Variants in GLRA3 observed in about 807,000 individuals in gnomAD.
The protein encoded by GLRA3 is glycine receptor subunit alpha-3.
A neutral mutation model predicts 60.4 loss-of-function variants in GLRA3; 44 were observed. The ratio of observed to expected loss-of-function variants is 0.73; its 90% CI spans 0.57 to 0.94. The LOEUF (loss-of-function observed/expected upper bound fraction) is 0.94, where lower values mean the gene tolerates loss of function less well. Among genes scored for constraint, GLRA3 ranks in the 40% least tolerant of loss-of-function variants. GLRA3 has a pLI of 0.00. For synonymous variants in GLRA3, 223 were observed against 192.9 expected (o/e 1.16, Z -1.29); for missense variants, 508 against 564.6 (o/e 0.90, Z 1.02).
intron 3 of GLRA3, among the ~76,000 whole-genome samples, chr4:174,749,875 T>G (rs1466253077): frequency 6.6e-6 from 1 of 152,024 alleles, no homozygotes; most frequent in Admixed American, 6.6e-5. Flanking sequence ...CATATATGAG[T>G]GTTAGCTCCT....
At chr4:174,656,840 C>A in intron 8 of GLRA3, 53 bp from the exon 9 acceptor site, 4 of 970,732 alleles carry the variant, frequency 4.1e-6, no homozygotes, top group South Asian at 1.3e-5. Flanking sequence ...AGAATCAATT[C>A]ATATATGATT....
intron 1 of GLRA3, among the ~76,000 whole-genome samples, chr4:174,823,235 C>T (rs894105673): frequency 1.2e-5 from 1 of 85,214 alleles, no homozygotes; most frequent in Non-Finnish European, 2.8e-5. Context: ...AAACAAAAAA[C>T]TAAAACTCAA....
intron 7 of GLRA3, among the ~76,000 whole-genome samples, chr4:174,659,487 T>C (rs1172666435): frequency 6.6e-6 from 1 of 152,206 alleles, no homozygotes; most frequent in Non-Finnish European, 1.5e-5. Flanking sequence ...TTGAAAAGTA[T>C]GAACATTGAA....
At chr4:174,782,987 C>A (rs1312597746) in intron 2 of GLRA3, among the ~76,000 whole-genome samples, 2 of 152,050 alleles carry the variant, frequency 1.3e-5, no homozygotes, top group Non-Finnish European at 2.9e-5. Flanking sequence ...TCACATGGAA[C>A]CAAAAAAGAG....
Position 174,639,085 on chromosome 4 carries a change from T to C in GLRA3, c.*4701A>G, listed in dbSNP as rs1357331832. ...ACTAGCTGTCTTTTGAAAAAGGTTT[T>C]TGACAGTTATTTAGCTGTTCTTCAA... On this transcript the variant is annotated 3_prime_UTR_variant, in exon 10 of 10. Coordinates refer to ENST00000274093, the MANE Select transcript of GLRA3 (RefSeq NM_006529.4). 2 of 152,212 alleles carry C rather than the reference T, an allele frequency of 1.3e-5. No homozygotes were observed. The highest frequency in any genetic ancestry group is 2.4e-5 in the African/African-American group (1 of 41,462). The allele number at this position is 152,212 out of a possible 1,614,324, so 9.4% of individuals were successfully genotyped here. A position where few individuals can be genotyped will look rare whatever the true frequency, so the allele number is the denominator to read the frequency against.
chr4:174,714,841 C>T (rs530736043), intron 5 of GLRA3, among the ~76,000 whole-genome samples: 3 of 152,204 alleles, frequency 2.0e-5, no homozygotes, highest in East Asian at 3.9e-4. Flanking sequence ...TCTGTGTTAA[C>T]GTTGATCAGT....
At chr4:174,687,862 C>T (rs901826658) in intron 5 of GLRA3, among the ~76,000 whole-genome samples, 2 of 152,012 alleles carry the variant, frequency 1.3e-5, no homozygotes, top group Non-Finnish European at 2.9e-5. Context: ...ACATGAAAGA[C>T]CCATTCAAAG....
At chr4:174,828,613 G>A (rs1005762946) in intron 1 of GLRA3, 128 bp downstream of exon 1, 27 of 654,358 alleles carry the variant, frequency 4.1e-5, no homozygotes, top group Middle Eastern at 5.0e-4. Context: ...AAAACAATAC[G>A]ATTAAATTGA....
At chr4:174,679,527 A>G (rs988833720) in intron 6 of GLRA3, among the ~76,000 whole-genome samples, 2 of 152,174 alleles carry the variant, frequency 1.3e-5, no homozygotes, top group African/African-American at 4.8e-5. Flanking sequence ...AAGGTACCAT[A>G]TGGACTACGG....
intron 5 of GLRA3, among the ~76,000 whole-genome samples, chr4:174,705,259 G>A (rs747740381): frequency 1.4e-5 from 2 of 142,904 alleles, no homozygotes; most frequent in African/African-American, 2.5e-5. Context: ...TTTTTGTGCC[G>A]GGCCCTTCTG....
At chr4:174,749,040 C>T (rs1420045283) in intron 3 of GLRA3, among the ~76,000 whole-genome samples, 1 of 151,880 alleles carries the variant, frequency 6.6e-6, no homozygotes, top group Non-Finnish European at 1.5e-5. Flanking sequence ...ATGGAGATTC[C>T]CTGTCATGTC....
chr4:174,816,945 C>T lies in GLRA3; in HGVS notation c.71+11796G>A, dbSNP rs1160353031. 9.9e-5 allele frequency among the ~76,000 whole-genome samples: 15 copies of T among 152,150 alleles called. 1 individual carries two copies. In the East Asian group the frequency reaches 1.7e-3, roughly 18 times the overall value. The stretch of plus-strand genomic sequence containing the variant: ...AATATCATGTAAAATGGGGTATCCA[C>T]CCCTCAACTATTTCCATATTACTTC... On this transcript the variant is annotated intron_variant, in intron 1 of 9. Transcript: ENST00000274093.
chr4:174,753,767 G>A (rs981888050), intron 3 of GLRA3, among the ~76,000 whole-genome samples: 1 of 152,086 alleles, frequency 6.6e-6, no homozygotes, highest in African/African-American at 2.4e-5. Context: ...GAGAAGAGTT[G>A]AATTTGACAC....
intron 1 of GLRA3, among the ~76,000 whole-genome samples, chr4:174,821,078 A>T (rs1414427938): frequency 1.3e-5 from 2 of 152,224 alleles, no homozygotes; most frequent in African/African-American, 4.8e-5. Context: ...GACATTAAAA[A>T]CAAAGTCAAC....
At chr4:174,806,233 C>T (rs541672627) in intron 1 of GLRA3, among the ~76,000 whole-genome samples, 2 of 152,180 alleles carry the variant, frequency 1.3e-5, no homozygotes, top group South Asian at 2.1e-4. Flanking sequence ...TTATACTAAT[C>T]GCTGCATGCG....
intron 5 of GLRA3, among the ~76,000 whole-genome samples, chr4:174,709,410 A>G (rs1232870929): frequency 6.6e-6 from 1 of 152,066 alleles, no homozygotes; most frequent in Non-Finnish European, 1.5e-5. Flanking sequence ...TCCTAATAAA[A>G]TATGAATTTT....
At chr4:174,779,334 C>A (rs962193874) in intron 2 of GLRA3, among the ~76,000 whole-genome samples, 22 of 152,070 alleles carry the variant, frequency 1.4e-4, no homozygotes, top group Non-Finnish European at 2.4e-4. Flanking sequence ...CATCAAAGAC[C>A]AAAAGTAGAT....
At chr4:174,756,714 A>G (rs373189968) in intron 3 of GLRA3, among the ~76,000 whole-genome samples, 2 of 146,646 alleles carry the variant, frequency 1.4e-5, no homozygotes, top group Admixed American at 7.0e-5. Context: ...GCGCGATCTC[A>G]GCTCACTGCA....
intron 8 of GLRA3, among the ~76,000 whole-genome samples, chr4:174,658,797 C>T (rs1316068137): frequency 6.6e-6 from 1 of 152,050 alleles, no homozygotes; most frequent in East Asian, 1.9e-4. Context: ...AAGTGTTGTT[C>T]CAGGAAGCGC....
Sources: allele counts gnomAD v4.1 joint callset (sites outside exome capture counted in the v4.1 genomes callset), GRCh38; gene constraint gnomAD v4.1.1; transcripts MANE v1.5; gene names NCBI Gene and HGNC (gene_info 2026-07-23, HGNC 2026-07-21).